Variants in ADGRE3 observed in about 807,000 individuals in gnomAD.
ADGRE3 encodes the protein adhesion G protein-coupled receptor E3.
In ADGRE3, 88 loss-of-function variants were observed where a neutral mutation model predicts 80.1. The observed-to-expected ratio is 1.10, with a 90% CI of 0.93 to 1.31. ADGRE3 has a LOEUF of 1.31. Among genes scored for constraint, ADGRE3 ranks in the 40% most tolerant of loss-of-function variants. The probability of loss-of-function intolerance (pLI) is 0.00; values close to 1 mark genes in which losing one functional copy is unlikely to be tolerated. For missense variants in ADGRE3, 715 were observed against 776.5 expected, an observed-to-expected ratio of 0.92 and a Z score of 0.94; for synonymous variants, 281 against 294.8, an observed-to-expected ratio of 0.95 and a Z score of 0.48.
chr19:14,630,976 C>A (rs1037838891), intron 13 of ADGRE3, among the ~76,000 whole-genome samples: 14 of 151,790 alleles, frequency 9.2e-5, no homozygotes, highest in Non-Finnish European at 1.8e-4. Flanking sequence ...TGGGTTCAAG[C>A]GATTCTCCAG....
At chr19:14,610,046 A>T in the ADGRE3 span, 1 of 1,603,906 alleles carries the variant, frequency 6.2e-7, no homozygotes, top group South Asian at 1.1e-5. Flanking sequence ...CCCTCTGCCC[A>T]CTTTTTCCTC....
chr19:14,642,602 T>C (rs1487392302), intron 9 of ADGRE3, among the ~76,000 whole-genome samples: 1 of 152,156 alleles, frequency 6.6e-6, no homozygotes, highest in Non-Finnish European at 1.5e-5. Context: ...CCTCTTTGTG[T>C]CTGTTGTTCC....
At chr19:14,662,491 T>C (rs1228324369) in intron 3 of ADGRE3, among the ~76,000 whole-genome samples, 1 of 152,122 alleles carries the variant, frequency 6.6e-6, no homozygotes, top group Non-Finnish European at 1.5e-5. Context: ...GTTCAAGCGA[T>C]TCTCCTGCCT....
chr19:14,653,277 C>T (rs1211296048), intron 6 of ADGRE3, among the ~76,000 whole-genome samples: 2 of 151,946 alleles, frequency 1.3e-5, no homozygotes, highest in Non-Finnish European at 2.9e-5. Flanking sequence ...TCATCCTGCC[C>T]ACAATGTTAA....
chr19:14,633,644 G>A (rs1201521730), intron 11 of ADGRE3, among the ~76,000 whole-genome samples: 1 of 150,542 alleles, frequency 6.6e-6, no homozygotes, highest in African/African-American at 2.5e-5. Flanking sequence ...AGCGGAGCTT[G>A]CAGTGAGCCA....
intron 10 of ADGRE3, among the ~76,000 whole-genome samples, chr19:14,641,136 C>T (rs546349622): frequency 7.2e-5 from 11 of 152,238 alleles, no homozygotes; most frequent in South Asian, 2.1e-4. Context: ...TTGTCAAAAA[C>T]GCTGTCGTTC....
At chr19:14,641,351 G>A in intron 10 of ADGRE3, 68 bp downstream of exon 10, 1 of 1,577,564 alleles carries the variant, frequency 6.3e-7, no homozygotes, top group Non-Finnish European at 8.7e-7. Context: ...GGAATCTAGT[G>A]CAGCATTGCT....
At chr19:14,601,169 C>T in the ADGRE3 span, among the ~76,000 whole-genome samples, 8 of 152,062 alleles carry the variant, frequency 5.3e-5, no homozygotes, top group East Asian at 3.9e-4. Context: ...TCCCAAAGTG[C>T]GGGGATTATA....
At chr19:14,624,747 CCTGT>C (rs1413525040) in intron 15 of ADGRE3, among the ~76,000 whole-genome samples, 1 of 149,212 alleles carries the variant, frequency 6.7e-6, no homozygotes, top group African/African-American at 2.5e-5. Flanking sequence ...AGAGCAAGAC[CCTGT>C]CTCTTAAAAA....
chr19:14,607,667 C>T, the ADGRE3 span, among the ~76,000 whole-genome samples: 4 of 151,570 alleles, frequency 2.6e-5, no homozygotes, highest in African/African-American at 9.7e-5. Flanking sequence ...TCTCTGTCTC[C>T]CAGGTAGAGG....
At chr19:14,635,620 C>T (rs1476622635) in intron 11 of ADGRE3, among the ~76,000 whole-genome samples, 4 of 151,798 alleles carry the variant, frequency 2.6e-5, no homozygotes, top group African/African-American at 9.7e-5. Flanking sequence ...ACTGTGTTGG[C>T]CAGGCTGGTC....
rs1228415977 is a variant in ADGRE3, at chr19:14,635,636, C to T, written c.1485-2334G>A. 2.0e-5 allele frequency among the ~76,000 whole-genome samples: 3 copies of T among 151,626 alleles called. No homozygotes were observed. The East Asian group carries it at 5.8e-4, about 30-fold the overall frequency. ...CTGTGTTGGCCAGGCTGGTCTTGAA[C>T]TCCTGACCTCAGGTCATCCACCCGC... is the stretch of plus-strand genomic sequence containing the variant. On this transcript the variant is annotated intron_variant, in intron 11 of 15. Coordinates refer to ENST00000253673, the MANE Select transcript of ADGRE3 (RefSeq NM_032571.5).
chr19:14,628,356 C>T (rs1285624836), intron 14 of ADGRE3, among the ~76,000 whole-genome samples: 2 of 123,434 alleles, frequency 1.6e-5, no homozygotes, highest in African/African-American at 6.1e-5. Flanking sequence ...GCCGAAGAAT[C>T]GCTTGAACCT....
At chr19:14,645,628 C>T (rs1161756085) in intron 8 of ADGRE3, among the ~76,000 whole-genome samples, 1 of 151,048 alleles carries the variant, frequency 6.6e-6, no homozygotes, top group Admixed American at 6.6e-5. Flanking sequence ...CACTGTACTT[C>T]AGCCTGGGCG....
chr19:14,666,644 T>C (rs1268421414), intron 2 of ADGRE3, among the ~76,000 whole-genome samples: 2 of 152,228 alleles, frequency 1.3e-5, no homozygotes, highest in Non-Finnish European at 2.9e-5. Context: ...CCCCGAGTGC[T>C]GGGATTACAG....
chr19:14,608,761 G>A, the ADGRE3 span, among the ~76,000 whole-genome samples: 1 of 149,930 alleles, frequency 6.7e-6, no homozygotes, highest in Non-Finnish European at 1.5e-5. Context: ...AGACTATTGA[G>A]TAGCTGGGAT....
At chr19:14,653,912 G>A (rs941655831) in intron 6 of ADGRE3, among the ~76,000 whole-genome samples, 12 of 151,032 alleles carry the variant, frequency 7.9e-5, no homozygotes, top group Admixed American at 2.0e-4. Context: ...AAGAAGAATA[G>A]GCACTGACTT....
At chr19:14,628,656 C>T in intron 14 of ADGRE3, 1 of 351,790 alleles carries the variant, frequency 2.8e-6, no homozygotes, top group Non-Finnish European at 5.6e-6. Flanking sequence ...CCTCATCATG[C>T]CCACTGCTGT....
At chr19:14,617,340 C>CTTT (rs1234516327), downstream of ADGRE3, among the ~76,000 whole-genome samples, 195 of 31,088 alleles carry the variant, frequency 6.3e-3, no homozygotes, top group Middle Eastern at 0.038. Flanking sequence ...CTCCCTCCCT[C>CTTT]CCTTTCTTTC....
Sources: allele counts gnomAD v4.1 joint callset (sites outside exome capture counted in the v4.1 genomes callset), GRCh38; gene constraint gnomAD v4.1.1; transcripts MANE v1.5; gene names NCBI Gene and HGNC (gene_info 2026-07-23, HGNC 2026-07-21).